Variants in DYNLT2 observed in about 807,000 individuals in gnomAD.
The protein encoded by DYNLT2 is dynein light chain Tctex-type 2.
Under a neutral mutation model 24.3 loss-of-function variants are expected in DYNLT2, and 24 were observed. The observed-to-expected ratio is 0.99, with a 90% CI of 0.71 to 1.39. DYNLT2 has a LOEUF of 1.39. DYNLT2 is among the 40% of genes most tolerant of loss of function. The probability of loss-of-function intolerance (pLI) is 0.00; values close to 1 mark genes in which losing one functional copy is unlikely to be tolerated. For missense variants in DYNLT2, 246 were observed against 234.5 expected (o/e 1.05, Z -0.32); for synonymous variants, 85 against 85.4 (o/e 1.00, Z 0.03).
At chr6:169,739,682 G>A (rs1172778490), downstream of DYNLT2, among the ~76,000 whole-genome samples, 2 of 152,148 alleles carry the variant, frequency 1.3e-5, no homozygotes, top group African/African-American at 4.8e-5. Flanking sequence ...CAGTTTGGCT[G>A]GAGCGGGAGG....
chr6:169,748,661 C>G (rs968780245), intron 1 of DYNLT2, among the ~76,000 whole-genome samples: 1 of 152,164 alleles, frequency 6.6e-6, no homozygotes, highest in Non-Finnish European at 1.5e-5. Context: ...TAAGAGAATG[C>G]TTCTCTAAGG....
At chr6:169,739,809 A>T (rs1562995261), downstream of DYNLT2, among the ~76,000 whole-genome samples, 1 of 152,162 alleles carries the variant, frequency 6.6e-6, no homozygotes, top group Admixed American at 6.5e-5. Flanking sequence ...CTATCTTAAC[A>T]TCTACTGAAT....
intron 3 of DYNLT2, among the ~76,000 whole-genome samples, chr6:169,740,577 G>A (rs1789656498): frequency 6.6e-6 from 1 of 152,150 alleles, no homozygotes; most frequent in Admixed American, 6.5e-5. Flanking sequence ...TGGGGATGTA[G>A]TGGCTCTGCA....
intron 1 of DYNLT2, among the ~76,000 whole-genome samples, chr6:169,747,470 C>T (rs568489346): frequency 6.6e-6 from 1 of 152,284 alleles, no homozygotes; most frequent in South Asian, 2.1e-4. Flanking sequence ...TGTCAAAGCT[C>T]ATTGACATCG....
Position 169,751,513 on chromosome 6 carries a change from C to T in DYNLT2, c.-55G>A. 1.9e-6 allele frequency: 3 copies of T among 1,608,130 alleles called. No homozygotes were observed. Among genetic ancestry groups the T allele is most frequent in the Non-Finnish European group, 2.5e-6 (3 of 1,177,086 alleles). ...CTCCCCTTCACCGCCGGCGGTCAAA[C>T]GCCCTAGCCAGTCCCGCGAGGGCGG... is the stretch of plus-strand genomic sequence containing the variant. On this transcript the variant is annotated 5_prime_UTR_variant, in exon 1 of 4. Coordinates refer to ENST00000366774, the MANE Select transcript of DYNLT2 (RefSeq NM_174910.3).
At chr6:169,749,441 A>G (rs946291521) in intron 1 of DYNLT2, 1 of 152,228 alleles carries the variant, frequency 6.6e-6, no homozygotes, top group Non-Finnish European at 1.5e-5. Flanking sequence ...GAGAACAATC[A>G]CGTTTTCCAA....
Position 169,743,115 on chromosome 6 carries a change from C to T in DYNLT2, c.451G>A (p.Val151Ile), listed in dbSNP as rs757724091. The T allele has an allele frequency of 1.9e-6, 3 of 1,576,268 alleles. No homozygotes were observed. The highest frequency in any genetic ancestry group is 2.6e-6 in the Non-Finnish European group (3 of 1,156,010). ...TGGCCAGTCTTTTGAATAAATAATA[C>T]TTTTATAATGAACTTATAACGGTGG... is the stretch of plus-strand genomic sequence containing the variant. The part of the protein sequence containing the change: ...GYHRYKFIIK[V>I]LFIQKTGQAI... The change falls in exon 3 of 4, where the codon GTA becomes ATA. Residue 151 changes from valine to isoleucine, a missense_variant. By Grantham distance (29) the Val-to-Ile change is conservative. Transcript: ENST00000366774.
At chr6:169,726,051 A>T in the DYNLT2 span, among the ~76,000 whole-genome samples, 2 of 152,278 alleles carry the variant, frequency 1.3e-5, no homozygotes, top group Non-Finnish European at 2.9e-5. Flanking sequence ...ACCATATTCT[A>T]CATTGCAATG....
chr6:169,737,846 G>A (rs1308091807), downstream of DYNLT2, among the ~76,000 whole-genome samples: 1 of 152,136 alleles, frequency 6.6e-6, no homozygotes, highest in East Asian at 1.9e-4. Flanking sequence ...AGTAGAGAGG[G>A]TATGTTTCAC....
chr6:169,743,951 G>T (rs1789734943), intron 2 of DYNLT2, 117 bp downstream of exon 2: 2 of 930,300 alleles, frequency 2.1e-6, no homozygotes, highest in East Asian at 2.6e-5. Context: ...AATACCTTCT[G>T]GTTCTAGTGA....
chr6:169,726,941 G>T, the DYNLT2 span, among the ~76,000 whole-genome samples: 13 of 152,058 alleles, frequency 8.5e-5, no homozygotes, highest in Non-Finnish European at 7.4e-5. Flanking sequence ...TGAAAATAAG[G>T]CCCAAGACCA....
Position 169,751,349 on chromosome 6 carries a change from T to C in DYNLT2, c.110A>G (p.Glu37Gly), listed in dbSNP as rs757968829. Residue 37 changes from glutamate (E) to glycine (G), a missense_variant, in exon 1 of 4, where the codon GAG (glutamate) becomes GGG (glycine). Transcript: ENST00000366774. ...AGTCTCCGCACTCACTGCCTCCTTCTCGAACATGCTAGGCCTCCTTTCTTT... is the reference window on the plus strand; with the variant it reads ...AGTCTCCGCACTCACTGCCTCCTTCCCGAACATGCTAGGCCTCCTTTCTTT... ...PRKERRPSMF[E>G]KEAYTQILRE... 7 of 1,613,950 alleles carry C rather than the reference T, an allele frequency of 4.3e-6. No homozygotes were observed. The South Asian group carries it at 7.7e-5, about 18-fold the overall frequency.
the DYNLT2 span, among the ~76,000 whole-genome samples, chr6:169,728,408 C>T: frequency 2.0e-5 from 3 of 152,114 alleles, no homozygotes; most frequent in Admixed American, 1.3e-4. Flanking sequence ...AGAAGTCATA[C>T]TAATATTGGC....
Position 169,751,363 on chromosome 6 carries a change from C to G in DYNLT2, c.96G>C (p.Arg32Ser). ...QAPVTPRKERRPSMFEKEAYT... is the reference protein window; with the variant it reads ...QAPVTPRKERSPSMFEKEAYT... ...CTGCCTCCTTCTCGAACATGCTAGG[C>G]CTCCTTTCTTTCCTAGGCGTCACCG... Residue 32 changes from arginine (R) to serine (S), a missense_variant, in exon 1 of 4, where the codon AGG becomes AGC. Arg to Ser is a moderately radical substitution (Grantham distance 110, BLOSUM62 -1). Coordinates refer to ENST00000366774, the MANE Select transcript of DYNLT2 (RefSeq NM_174910.3). 1 of 1,614,118 alleles carries G rather than the reference C, an allele frequency of 6.2e-7. No individual in the cohort carries two copies. The highest frequency in any genetic ancestry group is 1.1e-5 in the South Asian group (1 of 91,086).
intron 1 of DYNLT2, 92 bp from the exon 2 acceptor site, chr6:169,744,366 T>C: frequency 9.6e-7 from 1 of 1,041,934 alleles, no homozygotes; most frequent in Admixed American, 2.5e-5. Flanking sequence ...GCCTGTACAG[T>C]GGGACAGGGC....
At chr6:169,739,823 ATACTT>A, downstream of DYNLT2, among the ~76,000 whole-genome samples, 1 of 152,334 alleles carries the variant, frequency 6.6e-6, no homozygotes, top group Non-Finnish European at 1.5e-5. Flanking sequence ...ACTGAATTTG[ATACTT>A]TACAAGGTTG....
At position 169,748,822 on chromosome 6, in the gene DYNLT2, G is replaced by A. The variant is rs537880467; in HGVS notation, c.120+2517C>T. The stretch of plus-strand genomic sequence containing the variant: ...TAACCATTAATGCTTCTAATATGCT[G>A]AAAATTTACATCTGTACCATTTCTC... On this transcript the variant is annotated intron_variant, in intron 1 of 3. Coordinates refer to ENST00000366774, the MANE Select transcript of DYNLT2 (RefSeq NM_174910.3). Among the ~76,000 whole-genome samples the A allele has an allele frequency of 2.0e-5, 3 of 152,298 alleles. No individual in the cohort carries two copies. The East Asian group carries it at 5.8e-4, about 29-fold the overall frequency.
the DYNLT2 span, among the ~76,000 whole-genome samples, chr6:169,733,279 CTTTAG>C: frequency 6.6e-6 from 1 of 152,134 alleles, no homozygotes; most frequent in African/African-American, 2.4e-5. Flanking sequence ...TACAGAAGCT[CTTTAG>C]TTTAATTACA....
At chr6:169,750,299 G>T (rs191289119) in intron 1 of DYNLT2, 9 of 152,330 alleles carry the variant, frequency 5.9e-5, no homozygotes, top group Non-Finnish European at 1.3e-4. Flanking sequence ...ATACAGCATA[G>T]TGTTTGGGAG....
Sources: gnomAD v4.1 joint callset for allele counts (sites outside exome capture counted in the v4.1 genomes callset) on GRCh38, gnomAD v4.1.1 for gene constraint, MANE v1.5 for transcripts, NCBI Gene and HGNC (gene_info 2026-07-23, HGNC 2026-07-21) for gene names.